Variants in ALDH4A1 observed in about 807,000 individuals in gnomAD.
The protein encoded by ALDH4A1 is aldehyde dehydrogenase 4 family member A1.
A neutral mutation model predicts 70.5 loss-of-function variants in ALDH4A1; 46 were observed. The observed-to-expected ratio is 0.65, with a 90% CI of 0.51 to 0.83. The LOEUF (loss-of-function observed/expected upper bound fraction) is 0.83, where lower values mean the gene tolerates loss of function less well. ALDH4A1 is among the 40% of genes least tolerant of loss of function. The probability of loss-of-function intolerance (pLI) is 0.00; values close to 1 mark genes in which losing one functional copy is unlikely to be tolerated. For missense variants in ALDH4A1, 749 were observed against 766.5 expected (o/e 0.98, Z 0.27); for synonymous variants, 323 against 324.3 (o/e 1.00, Z 0.04).
intron 1 of ALDH4A1, among the ~76,000 whole-genome samples, chr1:18,899,359 C>T (rs1487697282): frequency 1.3e-5 from 2 of 152,202 alleles, no homozygotes; most frequent in Non-Finnish European, 2.9e-5. Context: ...TAACCAATTC[C>T]GGCCCACAAG....
At chr1:18,873,008 C>A (rs762390881) in intron 14 of ALDH4A1, 51 bp from the exon 15 acceptor site, 9 of 1,481,400 alleles carry the variant, frequency 6.1e-6, no homozygotes, top group Non-Finnish European at 7.5e-6. Context: ...ACAGCCTGGG[C>A]AGAAGGGGAA....
chr1:18,886,667 C>T (rs1429781716), intron 3 of ALDH4A1, among the ~76,000 whole-genome samples, 156 bp from the exon 4 acceptor site: 1 of 152,170 alleles, frequency 6.6e-6, no homozygotes, highest in Non-Finnish European at 1.5e-5. Flanking sequence ...GTGCCCGGCC[C>T]ACAGGTTGCT....
At chr1:18,890,612 T>G in intron 1 of ALDH4A1, 1 of 871,778 alleles carries the variant, frequency 1.1e-6, no homozygotes, top group Non-Finnish European at 1.4e-6. Flanking sequence ...AGTCCCACGG[T>G]TGTGTGTCCT....
chr1:18,876,661 C>CTGTGTGTGTGTGTGTGTGTGTGTA (rs10524811), intron 11 of ALDH4A1, among the ~76,000 whole-genome samples, 194 bp from the exon 12 acceptor site: 1 of 146,732 alleles, frequency 6.8e-6, no homozygotes, highest in Non-Finnish European at 1.5e-5. Context: ...GACATGAACA[C>CTGTGTGTGTGTGTGTGTGTGTGTA]TGTGTGTGTG....
chr1:18,889,589 C>A (rs911289271), intron 2 of ALDH4A1, 135 bp from the exon 3 acceptor site: 26 of 778,312 alleles, frequency 3.3e-5, no homozygotes, highest in Admixed American at 1.1e-4. Context: ...AGGTCGGTGG[C>A]CATCAGAGAA....
In ALDH4A1 at chr1:18,880,039, G is replaced by A. The variant is rs75586767; in HGVS notation, c.867-666C>T. 0.017 allele frequency among the ~76,000 whole-genome samples: 2,482 copies of A among 144,954 alleles called. 83 individuals are homozygous for A. Among genetic ancestry groups the A allele is most frequent in the African/African-American group, 0.061 (2,367 of 38,824 alleles). On this transcript the variant is annotated intron_variant, in intron 8 of 14. Coordinates refer to ENST00000375341, the MANE Select transcript of ALDH4A1 (RefSeq NM_003748.4). The surrounding 1 kb of genome is among the most constrained non-coding windows in gnomAD (Gnocchi z 5.1). ...CTTTAAGCCCGCTGCTCATCAGAGC[G>A]TGGAGAATGGGGTCCAGGCCCGCTC...
intron 1 of ALDH4A1, chr1:18,901,036 G>T: frequency 2.6e-6 from 1 of 383,032 alleles, no homozygotes; most frequent in Non-Finnish European, 3.6e-6. Flanking sequence ...CCCACCCCAT[G>T]TAAATTCCCT....
chr1:18,888,005 T>G (rs9426726), intron 3 of ALDH4A1, among the ~76,000 whole-genome samples: 4,532 of 152,264 alleles, frequency 0.03, 226 homozygotes, highest in African/African-American at 0.1. Context: ...ATAGTTTATA[T>G]CGTAATAGCT....
intron 13 of ALDH4A1, 71 bp downstream of exon 13, chr1:18,875,311 C>T (rs569218986): frequency 9.4e-5 from 151 of 1,611,354 alleles, no homozygotes; most frequent in Non-Finnish European, 1.2e-4. Flanking sequence ...GAACCACGTC[C>T]AGGAGGTGGG....
intron 1 of ALDH4A1, among the ~76,000 whole-genome samples, chr1:18,897,948 G>A (rs1459435415): frequency 6.6e-6 from 1 of 152,204 alleles, no homozygotes; most frequent in East Asian, 1.9e-4. Context: ...GCCAGGAAAG[G>A]GAAGGTTTGG....
At chr1:18,879,830 A>C (rs948529184) in intron 8 of ALDH4A1, among the ~76,000 whole-genome samples, 2 of 152,176 alleles carry the variant, frequency 1.3e-5, no homozygotes, top group Non-Finnish European at 2.9e-5. Flanking sequence ...CAGGCCTGAG[A>C]GGCCAAACCG....
rs148609275 is a variant in ALDH4A1 at position 18,883,163 on chromosome 1, A to G, written c.639T>C (p.Thr213=). The G allele has an allele frequency of 8.1e-6, 13 of 1,613,082 alleles. No individual in the cohort carries two copies. Among genetic ancestry groups the G allele is most frequent in the South Asian group, 1.1e-5 (1 of 91,092 alleles). The part of the protein sequence containing the change: ...FVAAISPFNF[T]AIGGNLAGAP... ...CCCCCGCCAGGTTGCCGCCGATTGCAGTGAAGTTAAAGGGCGAGATGGCCG... is the reference window on the plus strand; with the variant it reads ...CCCCCGCCAGGTTGCCGCCGATTGCGGTGAAGTTAAAGGGCGAGATGGCCG... Residue 213 remains threonine, a synonymous_variant, in exon 7 of 15, where the codon ACT becomes ACC. Transcript: ENST00000375341.
At position 18,889,274 on chromosome 1, in the gene ALDH4A1, G is replaced by C. The variant is rs1455124068; in HGVS notation, c.249+88C>G. Reference sequence around the variant, plus strand: ...GCACTATAAAGGCCTTGAAGTCAGAGCCCACACATTATAAGCTTACGAGCT... The same window carrying C: ...GCACTATAAAGGCCTTGAAGTCAGACCCCACACATTATAAGCTTACGAGCT... On this transcript the variant is annotated intron_variant, in intron 3 of 14. Transcript: ENST00000375341. 4 of 1,243,396 alleles carry C rather than the reference G, an allele frequency of 3.2e-6. No individual in the cohort carries two copies. The East Asian group carries it at 7.7e-5, about 24-fold the overall frequency. The allele number at this position is 1,243,396 out of a possible 1,614,324, so 77.0% of individuals were successfully genotyped here.
rs1010263178 is a variant in ALDH4A1 at position 18,871,670 on chromosome 1, G to A, written c.*1175C>T. 1.1e-4 allele frequency: 16 copies of A among 152,352 alleles called. No homozygotes were observed. Among genetic ancestry groups the A allele is most frequent in the African/African-American group, 2.9e-4 (12 of 41,440 alleles). The allele number at this position is 152,352 out of a possible 1,614,324, so 9.4% of individuals were successfully genotyped here. A position where few individuals can be genotyped will look rare whatever the true frequency, so the allele number is the denominator to read the frequency against. ...CTTGGGGAATGGCCACACCAGCTCCGGGTGGGGTCCCATGCAGGCATCCTG... is the reference window on the plus strand; with the variant it reads ...CTTGGGGAATGGCCACACCAGCTCCAGGTGGGGTCCCATGCAGGCATCCTG... On this transcript the variant is annotated 3_prime_UTR_variant, in exon 15 of 15. Transcript: ENST00000375341.
intron 2 of ALDH4A1, 64 bp from the exon 3 acceptor site, chr1:18,889,518 T>C (rs1333774385): frequency 7.1e-7 from 1 of 1,415,354 alleles, no homozygotes. Flanking sequence ...TCTAAAACCC[T>C]AACGCAGAGT....
At position 18,880,236 on chromosome 1, in the gene ALDH4A1, C is replaced by T. The variant is rs919426827; in HGVS notation, c.867-863G>A. Among the ~76,000 whole-genome samples, 8 of 57,308 alleles carry T rather than the reference C, an allele frequency of 1.4e-4. No homozygotes were observed. In the Admixed American group the frequency reaches 1.6e-3, roughly 11 times the overall value. 37.6% of individuals were successfully genotyped at this position (57,308 alleles called of 152,430 possible). On this transcript the variant is annotated intron_variant, in intron 8 of 14. Coordinates refer to ENST00000375341, the MANE Select transcript of ALDH4A1 (RefSeq NM_003748.4). This position sits in a 1 kb window ranked among gnomAD's most constrained non-coding sequence, Gnocchi z 5.1. ...CCTGGAAGAGGAGGTAAGAAGGACC[C>T]TGAGCTGCAGACCCGGGCGTCTGGC... is the stretch of plus-strand genomic sequence containing the variant.
intron 1 of ALDH4A1, among the ~76,000 whole-genome samples, 182 bp downstream of exon 1, chr1:18,902,280 G>A (rs762372767): frequency 4.6e-5 from 7 of 152,230 alleles, no homozygotes; most frequent in Non-Finnish European, 1.0e-4. Context: ...GAGGCTAAGG[G>A]ATCTCAGTGG....
chr1:18,877,167 G>T (rs1288559304), intron 11 of ALDH4A1, 41 bp downstream of exon 11: 1 of 1,594,944 alleles, frequency 6.3e-7, no homozygotes, highest in South Asian at 1.1e-5. Context: ...CCCACTCCAG[G>T]GCTTGCCCCC....
chr1:18,874,206 C>T (rs948319482), intron 14 of ALDH4A1, among the ~76,000 whole-genome samples: 6 of 152,210 alleles, frequency 3.9e-5, no homozygotes, highest in Admixed American at 2.6e-4. Context: ...GCAGAAAGTG[C>T]GGCTGCTGGA....
Sources: gnomAD v4.1 joint callset for allele counts (sites outside exome capture counted in the v4.1 genomes callset) on GRCh38, gnomAD v4.1.1 for gene constraint, Gnocchi (gnomAD v3.1) non-coding constraint, MANE v1.5 for transcripts, NCBI Gene and HGNC (gene_info 2026-07-23, HGNC 2026-07-21) for gene names.